Variants in COMMD6 observed in about 807,000 individuals in gnomAD.
COMMD6 encodes COMM domain containing 6.
COMMD6 carries 11 observed loss-of-function variants against 13.4 expected under a neutral mutation model. The observed-to-expected ratio is 0.82, with a 90% CI of 0.52 to 1.36. The LOEUF (loss-of-function observed/expected upper bound fraction) is 1.36. COMMD6 is among the 40% of genes most tolerant of loss of function. The probability of loss-of-function intolerance (pLI) is 0.00; values close to 1 mark genes in which losing one functional copy is unlikely to be tolerated. For synonymous variants in COMMD6, 43 were observed against 36.5 expected (o/e 1.18, Z -0.64); for missense variants, 124 against 102.4 (o/e 1.21, Z -0.91).
At chr13:75,528,858 A>G (rs891989195) in intron 3 of COMMD6, among the ~76,000 whole-genome samples, 7 of 151,966 alleles carry the variant, frequency 4.6e-5, no homozygotes, top group Non-Finnish European at 8.8e-5. Context: ...GTCCCAAAAA[A>G]AAAGAAAAAA....
rs780291841 is a variant in COMMD6, at chr13:75,537,791, G to A, written c.15C>T (p.Ser5=). 6.2e-7 allele frequency: 1 copy of A among 1,610,204 alleles called. No homozygotes were observed. Among genetic ancestry groups the A allele is most frequent in the Non-Finnish European group, 8.5e-7 (1 of 1,177,362 alleles). The part of the protein sequence containing the change: MEAS[S]EPPLDAKSDV... ...CGGACTTAGCATCCAGCGGCGGCTC[G>A]CTGGACGCCTCCATGGGCAGCGTCT... Residue 5 remains serine, a synonymous_variant, in exon 1 of 4, where the codon AGC becomes AGT. Coordinates refer to ENST00000682242, the MANE Select transcript of COMMD6 (RefSeq NM_203495.4).
intron 1 of COMMD6, among the ~76,000 whole-genome samples, chr13:75,549,078 C>T (rs1381094373): frequency 6.6e-6 from 1 of 152,196 alleles, no homozygotes; most frequent in Non-Finnish European, 1.5e-5. Flanking sequence ...CTCCGTAATT[C>T]CAGCACACTT....
intron 2 of COMMD6, among the ~76,000 whole-genome samples, chr13:75,532,237 A>C (rs1285273858): frequency 6.6e-6 from 1 of 152,154 alleles, no homozygotes; most frequent in Non-Finnish European, 1.5e-5. Flanking sequence ...CTTTTAGATA[A>C]TTCATTAACT....
intron 2 of COMMD6, 114 bp downstream of exon 2, chr13:75,537,550 A>C: frequency 6.4e-7 from 1 of 1,560,546 alleles, no homozygotes; most frequent in East Asian, 2.4e-5. Context: ...GCTGAAGGTC[A>C]CCGGCTCGCG....
chr13:75,540,499 A>T (rs554485130), upstream of COMMD6, among the ~76,000 whole-genome samples: 1 of 152,194 alleles, frequency 6.6e-6, no homozygotes, highest in South Asian at 2.1e-4. Flanking sequence ...TTATTGTTCT[A>T]ATTCAACATG....
Position 75,530,177 on chromosome 13 carries a change from T to C in COMMD6, c.144A>G (p.Lys48=). The stretch of plus-strand genomic sequence containing the variant: ...TTACTTGGCCTGAATGATCTGCCAC[T>C]TTTAGCATCACTGCAACGTAAGGAT... The part of the protein sequence containing the change: ...LKYPYVAVML[K]VADHSGQVKT... Residue 48 remains lysine (K), a synonymous_variant, in exon 3 of 4, where the codon AAA becomes AAG. Transcript: ENST00000682242. The C allele has an allele frequency of 1.9e-6, 3 of 1,613,554 alleles. No individual in the cohort carries two copies. Among genetic ancestry groups the C allele is most frequent in the African/African-American group, 1.3e-5 (1 of 75,048 alleles).
chr13:75,529,453 A>G (rs1020260210), intron 3 of COMMD6, among the ~76,000 whole-genome samples: 15 of 148,830 alleles, frequency 1.0e-4, no homozygotes, highest in East Asian at 1.0e-3. Context: ...CCCAGGAGGC[A>G]GAGCTTGCAG....
rs1042444377 is a variant in COMMD6 at position 75,525,950 on chromosome 13, C to G, written c.*639G>C. 3.9e-5 allele frequency: 6 copies of G among 152,182 alleles called. No individual in the cohort carries two copies. Among genetic ancestry groups the G allele is most frequent in the African/African-American group, 1.4e-4 (6 of 41,452 alleles). 9.4% of individuals were successfully genotyped at this position (152,182 alleles called of 1,614,324 possible). On this transcript the variant is annotated 3_prime_UTR_variant, in exon 4 of 4. Transcript: ENST00000682242. ...ATAACTTGTGCTAACGGGTTAACTC[C>G]GTCGTACAGAACTCAGACTAAAACT...
intron 1 of COMMD6, among the ~76,000 whole-genome samples, chr13:75,548,229 C>T (rs1209970036): frequency 6.6e-6 from 1 of 152,228 alleles, no homozygotes; most frequent in African/African-American, 2.4e-5. Flanking sequence ...GATAATGCAA[C>T]TAAGCCCATC....
intron 2 of COMMD6, among the ~76,000 whole-genome samples, chr13:75,536,407 C>T (rs9543963): frequency 0.12 from 18,337 of 152,212 alleles, 1,400 homozygotes; most frequent in Middle Eastern, 0.29. Flanking sequence ...TGTCCACATG[C>T]TAATCCTCAA....
upstream of COMMD6, among the ~76,000 whole-genome samples, chr13:75,538,225 G>A (rs1184246605): frequency 6.6e-6 from 1 of 152,224 alleles, no homozygotes; most frequent in African/African-American, 2.4e-5. Context: ...TGCAAGGGAA[G>A]GCTGTGGGAA....
chr13:75,545,698 C>T (rs2030895643), intron 1 of COMMD6, among the ~76,000 whole-genome samples: 1 of 152,090 alleles, frequency 6.6e-6, no homozygotes, highest in Non-Finnish European at 1.5e-5. Flanking sequence ...GTCTAGATCT[C>T]CTGACCTCAT....
At position 75,530,150 on chromosome 13, in the gene COMMD6, C is replaced by G. The variant is rs369368151; in HGVS notation, c.171G>C (p.Lys57Asn). 56 of 1,613,514 alleles carry G rather than the reference C, an allele frequency of 3.5e-5. No homozygotes were observed. The highest frequency in any genetic ancestry group is 4.5e-5 in the Non-Finnish European group (53 of 1,179,782). Residue 57 changes from lysine (K) to asparagine (N), a missense_variant, in exon 3 of 4, where the codon AAG (lysine) becomes AAC (asparagine). Physicochemically the swap from Lys to Asn is moderately conservative, Grantham distance 94. Coordinates refer to ENST00000682242, the MANE Select transcript of COMMD6 (RefSeq NM_203495.4). The stretch of plus-strand genomic sequence containing the variant: ...GAATCGTCATTTCAAAGCACTTGGT[C>G]TTTACTTGGCCTGAATGATCTGCCA... ...LKVADHSGQV[K>N]TKCFEMTIPQ...
rs372073245 is a variant in COMMD6 at position 75,537,786 on chromosome 13, G to T, written c.20C>A (p.Pro7Gln). 4 of 1,611,040 alleles carry T rather than the reference G, an allele frequency of 2.5e-6. No individual in the cohort carries two copies. Among genetic ancestry groups the T allele is most frequent in the Non-Finnish European group, 3.4e-6 (4 of 1,177,856 alleles). The change falls in exon 1 of 4, where the codon CCG becomes CAG. Residue 7 changes from proline (P) to glutamine (Q), a missense_variant. Pro to Gln is a moderately conservative substitution (Grantham distance 76). Coordinates refer to ENST00000682242, the MANE Select transcript of COMMD6 (RefSeq NM_203495.4). Reference sequence around the variant, plus strand: ...CACATCGGACTTAGCATCCAGCGGCGGCTCGCTGGACGCCTCCATGGGCAG... The same window carrying T: ...CACATCGGACTTAGCATCCAGCGGCTGCTCGCTGGACGCCTCCATGGGCAG... MEASSE[P>Q]PLDAKSDVTN...
At chr13:75,527,391 G>A (rs968989552) in intron 3 of COMMD6, among the ~76,000 whole-genome samples, 3 of 152,126 alleles carry the variant, frequency 2.0e-5, no homozygotes, top group Admixed American at 6.5e-5. Flanking sequence ...GAAGCAAAGT[G>A]TAACTATTTC....
rs770889406 is a variant in COMMD6 at position 75,537,829 on chromosome 13, C to G, written c.-24G>C. Reference sequence around the variant, plus strand: ...ATGGGCAGCGTCTGGGACTTGCGGCCCGGACTCGAGAGAACGCCCCCAGAC... The same window carrying G: ...ATGGGCAGCGTCTGGGACTTGCGGCGCGGACTCGAGAGAACGCCCCCAGAC... On this transcript the variant is annotated 5_prime_UTR_variant, in exon 1 of 4. Transcript: ENST00000682242. 2 of 1,582,632 alleles carry G rather than the reference C, an allele frequency of 1.3e-6. No individual in the cohort carries two copies. Among genetic ancestry groups the G allele is most frequent in the Non-Finnish European group, 1.7e-6 (2 of 1,162,272 alleles).
intron 3 of COMMD6, chr13:75,527,788 TG>T: frequency 6.8e-7 from 1 of 1,465,886 alleles, no homozygotes; most frequent in Non-Finnish European, 9.1e-7. Context: ...CACTTATATG[TG>T]GAATCTAAAA....
At chr13:75,542,622 A>G (rs1340916368), upstream of COMMD6, among the ~76,000 whole-genome samples, 3 of 152,064 alleles carry the variant, frequency 2.0e-5, no homozygotes, top group Non-Finnish European at 4.4e-5. Context: ...TGACTCCATT[A>G]TGATTCTTAC....
At chr13:75,529,556 G>A (rs1026303098) in intron 3 of COMMD6, among the ~76,000 whole-genome samples, 7 of 145,204 alleles carry the variant, frequency 4.8e-5, no homozygotes, top group Non-Finnish European at 1.1e-4. Flanking sequence ...AAGAAAACCT[G>A]ATTTATTCCC....
Sources: allele counts gnomAD v4.1 joint callset (sites outside exome capture counted in the v4.1 genomes callset), GRCh38; gene constraint gnomAD v4.1.1; transcripts MANE v1.5; gene names NCBI Gene and HGNC (gene_info 2026-07-23, HGNC 2026-07-21).